Variants in CNTN6 observed in about 807,000 individuals in gnomAD.
The protein encoded by CNTN6 is contactin 6.
In CNTN6, 137 loss-of-function variants were observed where a neutral mutation model predicts 122.8. The ratio of observed to expected loss-of-function variants is 1.12; its 90% CI spans 0.97 to 1.29. CNTN6 has a LOEUF of 1.29. CNTN6 is among the 50% of genes most tolerant of loss of function. The pLI is 0.00. For missense variants in CNTN6, 1,634 were observed against 1,223.4 expected (o/e 1.34, Z -5.01); for synonymous variants, 570 against 426.0 (o/e 1.34, Z -4.16).
At chr3:1,114,397 T>C (rs2091621445) in intron 1 of CNTN6, among the ~76,000 whole-genome samples, 1 of 152,166 alleles carries the variant, frequency 6.6e-6, no homozygotes, top group Non-Finnish European at 1.5e-5. Context: ...GGCAGAAAAG[T>C]AAAGAGATGA....
At chr3:1,401,817 G>A (rs138695301) in intron 21 of CNTN6, among the ~76,000 whole-genome samples, 1 of 152,016 alleles carries the variant, frequency 6.6e-6, no homozygotes, top group South Asian at 2.1e-4. Flanking sequence ...ATAAGATGAT[G>A]GCTTATGTGC....
intron 20 of CNTN6, among the ~76,000 whole-genome samples, chr3:1,392,514 A>G (rs1694317148): frequency 6.6e-6 from 1 of 151,370 alleles, no homozygotes; most frequent in African/African-American, 2.4e-5. Flanking sequence ...TTCATGTCTA[A>G]AACACCAAAA....
At chr3:1,184,591 T>A (rs561636892) in intron 2 of CNTN6, among the ~76,000 whole-genome samples, 64 of 152,290 alleles carry the variant, frequency 4.2e-4, no homozygotes, top group Middle Eastern at 3.4e-3. Flanking sequence ...ACACAAAAAT[T>A]TATATAAAAA....
At chr3:1,325,183 C>G (rs779614730) in intron 8 of CNTN6, among the ~76,000 whole-genome samples, 5 of 151,808 alleles carry the variant, frequency 3.3e-5, no homozygotes, top group Non-Finnish European at 7.4e-5. Flanking sequence ...CTATGAAGAA[C>G]TTTCTCAAAT....
At chr3:1,320,510 C>T (rs1386010864) in intron 7 of CNTN6, among the ~76,000 whole-genome samples, 7 of 151,684 alleles carry the variant, frequency 4.6e-5, no homozygotes, top group Non-Finnish European at 8.8e-5. Flanking sequence ...CTCCCACATT[C>T]CTTCTGCTGA....
At chr3:1,289,557 C>A (rs942461623) in intron 5 of CNTN6, among the ~76,000 whole-genome samples, 1 of 152,194 alleles carries the variant, frequency 6.6e-6, no homozygotes, top group South Asian at 2.1e-4. Context: ...GACTCCAACA[C>A]ACCACTCAAA....
chr3:1,382,508 C>T (rs1692053861), intron 17 of CNTN6, among the ~76,000 whole-genome samples: 2 of 152,212 alleles, frequency 1.3e-5, no homozygotes, highest in Admixed American at 6.5e-5. Context: ...ACAGTAATTC[C>T]ATTACACATG....
intron 2 of CNTN6, chr3:1,173,105 G>A (rs2093388558): frequency 7.4e-6 from 3 of 403,248 alleles, no homozygotes; most frequent in African/African-American, 4.1e-5. Context: ...ATTTGGAGAT[G>A]TTCTCTCTCT....
At chr3:1,286,505 T>C (rs1255913718) in intron 5 of CNTN6, among the ~76,000 whole-genome samples, 1 of 152,144 alleles carries the variant, frequency 6.6e-6, no homozygotes, top group Non-Finnish European at 1.5e-5. Context: ...GCTTCATCCA[T>C]GTCCCTGCAA....
At chr3:1,341,063 A>G (rs1374656388) in intron 11 of CNTN6, among the ~76,000 whole-genome samples, 1 of 152,190 alleles carries the variant, frequency 6.6e-6, no homozygotes. Flanking sequence ...CATAAATGTA[A>G]TAATAGCATA....
intron 1 of CNTN6, among the ~76,000 whole-genome samples, chr3:1,141,155 A>G (rs1286307931): frequency 1.3e-5 from 2 of 152,200 alleles, no homozygotes; most frequent in African/African-American, 4.8e-5. Flanking sequence ...CCTTCTGGCC[A>G]TGGATGTTTA....
At chr3:1,236,032 C>G (rs1226687831) in intron 4 of CNTN6, among the ~76,000 whole-genome samples, 1 of 152,030 alleles carries the variant, frequency 6.6e-6, no homozygotes, top group Non-Finnish European at 1.5e-5. Context: ...GGGAACTGTA[C>G]CCCCATCCCT....
At chr3:1,260,084 C>T (rs1466291848) in intron 4 of CNTN6, among the ~76,000 whole-genome samples, 1 of 152,062 alleles carries the variant, frequency 6.6e-6, no homozygotes, top group Admixed American at 6.6e-5. Flanking sequence ...AGATGAGATC[C>T]TGTCTATTTC....
chr3:1,324,492 C>T (rs1395412356), intron 8 of CNTN6, among the ~76,000 whole-genome samples: 3 of 149,580 alleles, frequency 2.0e-5, no homozygotes, highest in Non-Finnish European at 2.9e-5. Flanking sequence ...TCTTTGGCTC[C>T]TTCGTGAGCC....
At chr3:1,247,241 A>G (rs945786580) in intron 4 of CNTN6, among the ~76,000 whole-genome samples, 3 of 152,200 alleles carry the variant, frequency 2.0e-5, no homozygotes, top group Non-Finnish European at 4.4e-5. Flanking sequence ...GATCCAATTG[A>G]GCCAGAACAT....
At chr3:1,356,727 C>G (rs879355034) in intron 12 of CNTN6, among the ~76,000 whole-genome samples, 4 of 151,904 alleles carry the variant, frequency 2.6e-5, no homozygotes, top group Non-Finnish European at 5.9e-5. Flanking sequence ...CCACACGCCA[C>G]TTTCCTACAC....
chr3:1,389,401 T>C (rs1369501506), intron 20 of CNTN6, among the ~76,000 whole-genome samples: 13 of 151,870 alleles, frequency 8.6e-5, no homozygotes, highest in Non-Finnish European at 1.3e-4. Flanking sequence ...CTAAAAGTGC[T>C]CCTGAAGGAA....
chr3:1,123,978 G>A (rs933717798), intron 1 of CNTN6, among the ~76,000 whole-genome samples: 11 of 151,920 alleles, frequency 7.2e-5, no homozygotes, highest in African/African-American at 2.7e-4. Flanking sequence ...CTATTAAGAT[G>A]GGGTATTCCT....
chr3:1,231,108 C>A (rs1347648013), intron 4 of CNTN6, among the ~76,000 whole-genome samples: 1 of 152,194 alleles, frequency 6.6e-6, no homozygotes, highest in African/African-American at 2.4e-5. Flanking sequence ...TCCCTCCCTG[C>A]CTTTCTCCTA....
Sources: allele counts gnomAD v4.1 joint callset (sites outside exome capture counted in the v4.1 genomes callset), GRCh38; gene constraint gnomAD v4.1.1; transcripts MANE v1.5; gene names NCBI Gene and HGNC (gene_info 2026-07-23, HGNC 2026-07-21).